Variants in EXOC4 observed in about 807,000 individuals in gnomAD.
EXOC4 encodes SEC8-like 1.
EXOC4 carries 71 observed loss-of-function variants against 107.2 expected under a neutral mutation model. The observed-to-expected ratio is 0.66, with a 90% CI of 0.55 to 0.81. The LOEUF is 0.81. EXOC4 is among the 30% of genes least tolerant of loss of function. EXOC4 has a pLI of 0.00. For synonymous variants in EXOC4, 456 were observed against 441.2 expected, an observed-to-expected ratio of 1.03 and a Z score of -0.42; for missense variants, 1,108 against 1,189.6, an observed-to-expected ratio of 0.93 and a Z score of 1.01.
intron 7 of EXOC4, among the ~76,000 whole-genome samples, chr7:133,392,917 C>G (rs1796885267): frequency 6.6e-6 from 1 of 152,162 alleles, no homozygotes; most frequent in African/African-American, 2.4e-5. Context: ...GCTTGGCATT[C>G]AAATACCTGT....
At chr7:133,784,103 T>A (rs538705937) in intron 10 of EXOC4, among the ~76,000 whole-genome samples, 9 of 152,296 alleles carry the variant, frequency 5.9e-5, no homozygotes, top group Non-Finnish European at 1.2e-4. Context: ...CAATTAAAAA[T>A]GCCGCTTAAT....
chr7:133,955,994 G>A (rs1486704680), intron 14 of EXOC4, among the ~76,000 whole-genome samples: 1 of 152,200 alleles, frequency 6.6e-6, no homozygotes, highest in Non-Finnish European at 1.5e-5. Flanking sequence ...CAGGTCCACA[G>A]CTCCAGTTTG....
intron 10 of EXOC4, among the ~76,000 whole-genome samples, chr7:133,787,301 G>T (rs933451885): frequency 6.7e-6 from 1 of 149,846 alleles, no homozygotes; most frequent in Non-Finnish European, 1.5e-5. Flanking sequence ...CAAGTAGCTG[G>T]CACCACAAGC....
At chr7:133,372,101 A>G (rs1796389845) in intron 6 of EXOC4, among the ~76,000 whole-genome samples, 1 of 152,072 alleles carries the variant, frequency 6.6e-6, no homozygotes, top group South Asian at 2.1e-4. Context: ...TATGAGTGTA[A>G]GATTTTAGAT....
chr7:133,510,739 C>T (rs1404131056), intron 9 of EXOC4, among the ~76,000 whole-genome samples: 1 of 152,192 alleles, frequency 6.6e-6, no homozygotes, highest in African/African-American at 2.4e-5. Context: ...GTGGGACCCA[C>T]AGGGCCTCAA....
intron 6 of EXOC4, among the ~76,000 whole-genome samples, chr7:133,364,559 A>G (rs1796210106): frequency 6.6e-6 from 1 of 152,178 alleles, no homozygotes; most frequent in African/African-American, 2.4e-5. Context: ...CAGTGTCACT[A>G]GAGAGTTGGA....
intron 15 of EXOC4, among the ~76,000 whole-genome samples, chr7:134,001,452 G>A (rs931322289): frequency 1.4e-5 from 2 of 141,604 alleles, no homozygotes; most frequent in African/African-American, 5.4e-5. Flanking sequence ...TTTGGCATTC[G>A]CTGATGACTA....
rs748217207 is a variant in EXOC4 at position 133,712,711 on chromosome 7, G to T, written c.1514+82570G>T. Among the ~76,000 whole-genome samples the T allele has an allele frequency of 4.6e-5, 7 of 152,178 alleles. No individual in the cohort carries two copies. In the South Asian group the frequency reaches 1.5e-3, roughly 32 times the overall value. On this transcript the variant is annotated intron_variant, in intron 10 of 17. Transcript: ENST00000253861. ...AAAGATAGAAATAGCCCAAATAGCC[G>T]TCAGCAAATATATGGATAAACAAAT...
intron 2 of EXOC4, among the ~76,000 whole-genome samples, chr7:133,277,229 C>G (rs1258801861): frequency 1.3e-5 from 2 of 152,234 alleles, no homozygotes; most frequent in East Asian, 3.8e-4. Flanking sequence ...TTATAGATCA[C>G]TTGCTCTAGA....
chr7:133,255,902 TG>T (rs1435562651), intron 1 of EXOC4, among the ~76,000 whole-genome samples: 2 of 152,136 alleles, frequency 1.3e-5, no homozygotes, highest in Non-Finnish European at 2.9e-5. Flanking sequence ...TGCTGTCACT[TG>T]GAAGTTGCTT....
intron 7 of EXOC4, among the ~76,000 whole-genome samples, chr7:133,444,285 G>T (rs981307164): frequency 6.6e-6 from 1 of 152,174 alleles, no homozygotes; most frequent in Non-Finnish European, 1.5e-5. Context: ...AGCAAGTGGG[G>T]CTTGGCGTTT....
At chr7:133,749,352 G>A (rs187506407) in intron 10 of EXOC4, among the ~76,000 whole-genome samples, 246 of 152,086 alleles carry the variant, frequency 1.6e-3, no homozygotes, top group African/African-American at 4.5e-3. Context: ...AAAGCTTTCC[G>A]CATAATCAGA....
At chr7:133,973,351 G>A (rs1432897911) in intron 14 of EXOC4, among the ~76,000 whole-genome samples, 1 of 152,158 alleles carries the variant, frequency 6.6e-6, no homozygotes, top group East Asian at 1.9e-4. Context: ...AGGGTAAATA[G>A]TAATAAGCCA....
rs866430003 is a variant in EXOC4 at position 133,570,520 on chromosome 7, T to C, written c.1418-59525T>C. Among the ~76,000 whole-genome samples the C allele has an allele frequency of 2.1e-4, 32 of 152,198 alleles. 1 individual carries two copies. The highest frequency in any genetic ancestry group is 7.7e-4 in the African/African-American group (32 of 41,446). ...CTTGGGAAAAGTGCAGATAACCTGA[T>C]CTCCAACCTCAGAGATTTTGATTTA... On this transcript the variant is annotated intron_variant, in intron 9 of 17. Transcript: ENST00000253861.
chr7:133,540,826 T>C (rs948050193), intron 9 of EXOC4, among the ~76,000 whole-genome samples: 3 of 152,238 alleles, frequency 2.0e-5, no homozygotes, highest in Non-Finnish European at 4.4e-5. Context: ...GACACAGTTA[T>C]TAATTCTCTA....
intron 11 of EXOC4, among the ~76,000 whole-genome samples, chr7:133,867,176 C>A (rs1271023006): frequency 6.6e-6 from 1 of 152,202 alleles, no homozygotes; most frequent in South Asian, 2.1e-4. Flanking sequence ...AGCCCTGGCC[C>A]TCCCATTCAC....
chr7:133,677,889 ATAGTGAAT>A (rs1794100002), intron 10 of EXOC4, among the ~76,000 whole-genome samples: 1 of 152,158 alleles, frequency 6.6e-6, no homozygotes. Flanking sequence ...CTTACATCAC[ATAGTGAAT>A]TAGGATGTTT....
At chr7:134,023,208 A>G (rs1585329381) in intron 17 of EXOC4, among the ~76,000 whole-genome samples, 1 of 152,306 alleles carries the variant, frequency 6.6e-6, no homozygotes, top group East Asian at 1.9e-4. Context: ...GAATACTACT[A>G]CAATTAGTAT....
chr7:133,321,053 C>T (rs1795099065), intron 5 of EXOC4, among the ~76,000 whole-genome samples: 1 of 152,052 alleles, frequency 6.6e-6, no homozygotes, highest in African/African-American at 2.4e-5. Flanking sequence ...TTTTGTGAAA[C>T]AGTAAGATTG....
Sources: gnomAD v4.1 joint callset for allele counts (sites outside exome capture counted in the v4.1 genomes callset) on GRCh38, gnomAD v4.1.1 for gene constraint, MANE v1.5 for transcripts, NCBI Gene and HGNC (gene_info 2026-07-23, HGNC 2026-07-21) for gene names.